PCDHGA1: variants seen among roughly 807,000 people sequenced by gnomAD.
PCDHGA1 encodes the protein protocadherin gamma-A1.
PCDHGA1 carries 32 observed loss-of-function variants against 58.0 expected under a neutral mutation model. The observed-to-expected ratio is 0.55, with a 90% confidence interval of 0.42 to 0.74. The LOEUF (loss-of-function observed/expected upper bound fraction) is 0.74. Among genes scored for constraint, PCDHGA1 ranks in the 30% least tolerant of loss-of-function variants. The probability of loss-of-function intolerance (pLI) is 0.00; values close to 1 mark genes in which losing one functional copy is unlikely to be tolerated. For synonymous variants in PCDHGA1, 498 were observed against 501.1 expected (o/e 0.99, Z 0.08); for missense variants, 1,205 against 1,182.3 (o/e 1.02, Z -0.28).
intron 1 of PCDHGA1, among the ~76,000 whole-genome samples, chr5:141,448,809 A>G (rs998129053): frequency 9.2e-5 from 14 of 151,812 alleles, no homozygotes; most frequent in Non-Finnish European, 1.8e-4. Flanking sequence ...GCCAGGCGTG[A>G]TGGCGGGCGC....
chr5:141,355,808 A>AG lies in PCDHGA1; in HGVS notation c.2421+22705dup, dbSNP rs750575688. On this transcript the variant is annotated intron_variant, in intron 1 of 3. Transcript: ENST00000517417. ...GTGCTGGAACGCGCTCTAGATCGCG[A>AG]GGAAGAGGCGGTTCACCACCTCGTT... The AG allele has an allele frequency of 5.0e-6, 8 of 1,613,360 alleles. No individual in the cohort carries two copies. In the South Asian group the frequency reaches 7.7e-5, roughly 16 times the overall value.
rs532675537 is a variant in PCDHGA1, at chr5:141,508,584, T to C, written c.2570-2363T>C. Among the ~76,000 whole-genome samples, 87 of 152,266 alleles carry C rather than the reference T, an allele frequency of 5.7e-4. 1 individual carries two copies. Among genetic ancestry groups the C allele is most frequent in the African/African-American group, 1.6e-3 (66 of 41,552 alleles). On this transcript the variant is annotated intron_variant, in intron 3 of 3. Coordinates refer to ENST00000517417, the MANE Select transcript of PCDHGA1 (RefSeq NM_018912.3). The stretch of plus-strand genomic sequence containing the variant: ...TGTCACTTGCACCCACTCGGGGTGC[T>C]ACTCAGAGATCTTGGGTGCACATAG...
rs1394484191 is a variant in PCDHGA1 at position 141,486,006 on chromosome 5, C to T, written c.2422-8801C>T. The T allele has an allele frequency of 6.2e-7, 1 of 1,614,190 alleles. No individual in the cohort carries two copies. Among genetic ancestry groups the T allele is most frequent in the Non-Finnish European group, 8.5e-7 (1 of 1,180,026 alleles). Reference sequence around the variant, plus strand: ...GACCTGGGTCCCAGTGGTAACGTCACCTTTTATTTCAGTGGTCATACCCCT... The same window carrying T: ...GACCTGGGTCCCAGTGGTAACGTCATCTTTTATTTCAGTGGTCATACCCCT... On this transcript the variant is annotated intron_variant, in intron 1 of 3. Coordinates refer to ENST00000517417, the MANE Select transcript of PCDHGA1 (RefSeq NM_018912.3). This position sits in a 1 kb window ranked among gnomAD's most constrained non-coding sequence, Gnocchi z 5.0.
chr5:141,362,373 T>C (rs1281253972), intron 1 of PCDHGA1: 1 of 1,614,038 alleles, frequency 6.2e-7, no homozygotes, highest in East Asian at 2.2e-5. Flanking sequence ...ACAGTGAGGG[T>C]ACATTGCCCT....
intron 1 of PCDHGA1, chr5:141,427,747 C>A (rs2097063869): frequency 1.6e-6 from 2 of 1,277,502 alleles, no homozygotes; most frequent in Non-Finnish European, 2.2e-6. Flanking sequence ...GTCTCCTACT[C>A]CATCGTTACC....
At chr5:141,355,378 G>C (rs371945703) in intron 1 of PCDHGA1, 50 of 1,613,924 alleles carry the variant, frequency 3.1e-5, no homozygotes, top group Non-Finnish European at 4.1e-5. Context: ...CCGGGAGCTG[G>C]CGGAGCGCGG....
chr5:141,480,021 C>G (rs1415230863), intron 1 of PCDHGA1, among the ~76,000 whole-genome samples: 1 of 152,208 alleles, frequency 6.6e-6, no homozygotes, highest in Non-Finnish European at 1.5e-5. Context: ...AATCTCCTTT[C>G]TAAGCCTCTT....
intron 1 of PCDHGA1, chr5:141,339,270 C>G: frequency 6.2e-7 from 1 of 1,614,256 alleles, no homozygotes; most frequent in Non-Finnish European, 8.5e-7. Context: ...GCTCAGAGCG[C>G]ACCCTGTCTG....
At position 141,431,317 on chromosome 5, in the gene PCDHGA1, C is replaced by T. The variant is rs778667104; in HGVS notation, c.2422-63490C>T. ...TCTCCCTCATCGTGCAAAATGGAGC[C>T]GACGGTAGTAAGTACCCCGAATTGG... On this transcript the variant is annotated intron_variant, in intron 1 of 3. Coordinates refer to ENST00000517417, the MANE Select transcript of PCDHGA1 (RefSeq NM_018912.3). This position sits in a 1 kb window ranked among gnomAD's most constrained non-coding sequence, Gnocchi z 4.8. The T allele has an allele frequency of 6.2e-6, 10 of 1,613,964 alleles. No homozygotes were observed. The highest frequency in any genetic ancestry group is 7.6e-6 in the Non-Finnish European group (9 of 1,180,046).
At chr5:141,414,290 T>C (rs781378958) in intron 1 of PCDHGA1, 1 of 1,613,272 alleles carries the variant, frequency 6.2e-7, no homozygotes, top group Admixed American at 1.7e-5. Context: ...GTCGTAGCCC[T>C]TTTAAATGTG....
intron 1 of PCDHGA1, chr5:141,408,577 T>C (rs771768269): frequency 6.2e-7 from 1 of 1,614,068 alleles, no homozygotes; most frequent in South Asian, 1.1e-5. Flanking sequence ...TGATTGAGGA[T>C]GTTAATGACC....
At position 141,431,513 on chromosome 5, in the gene PCDHGA1, C is replaced by A. The variant is rs1468442248; in HGVS notation, c.2422-63294C>A. ...TCAGCCCGAGTACCGCGCGAGCGTT[C>A]CGGAGAATCTGGCCTTGGGCACGCA... is the stretch of plus-strand genomic sequence containing the variant. On this transcript the variant is annotated intron_variant, in intron 1 of 3. Transcript: ENST00000517417. The surrounding 1 kb of genome is among the most constrained non-coding windows in gnomAD (Gnocchi z 4.8). 1 of 1,614,022 alleles carries A rather than the reference C, an allele frequency of 6.2e-7. No individual in the cohort carries two copies. The highest frequency in any genetic ancestry group is 1.7e-5 in the Admixed American group (1 of 60,032).
chr5:141,371,080 G>C (rs1409150939), intron 1 of PCDHGA1: 1 of 1,613,876 alleles, frequency 6.2e-7, no homozygotes, highest in East Asian at 2.2e-5. Context: ...ACCCAGATCA[G>C]GGTAATTGTC....
chr5:141,405,467 T>G lies in PCDHGA1; in HGVS notation c.2421+72362T>G. On this transcript the variant is annotated intron_variant, in intron 1 of 3. Transcript: ENST00000517417. The stretch of plus-strand genomic sequence containing the variant: ...CAGAGTCTTACTCTGTTACCCAGGC[T>G]GGAATGCAGTGGTGTGATCTCGGCT... 3.6e-6 allele frequency: 4 copies of G among 1,103,716 alleles called. No individual in the cohort carries two copies. The South Asian group carries it at 6.1e-5, about 17-fold the overall frequency. 68.4% of individuals were successfully genotyped at this position (1,103,716 alleles called of 1,614,324 possible). A position where few individuals can be genotyped will look rare whatever the true frequency, so the allele number is the denominator to read the frequency against.
rs915039012 is a variant in PCDHGA1 at position 141,372,538 on chromosome 5, T to A, written c.2421+39433T>A. The stretch of plus-strand genomic sequence containing the variant: ...GTGATTCTGGCAATCTCCCTGCGCC[T>A]GCGATGCTCCTCCAGACCCGCCACT... On this transcript the variant is annotated intron_variant, in intron 1 of 3. Coordinates refer to ENST00000517417, the MANE Select transcript of PCDHGA1 (RefSeq NM_018912.3). The A allele has an allele frequency of 1.9e-6, 3 of 1,613,928 alleles. No homozygotes were observed. The African/African-American group carries it at 4.0e-5, about 22-fold the overall frequency.
intron 1 of PCDHGA1, among the ~76,000 whole-genome samples, chr5:141,401,937 T>A (rs531669581): frequency 2.6e-5 from 4 of 152,356 alleles, no homozygotes; most frequent in African/African-American, 7.2e-5. Flanking sequence ...TAGAATAATG[T>A]TTAAGACCAC....
rs1001516677 is a variant in PCDHGA1 at position 141,399,747 on chromosome 5, A to G, written c.2421+66642A>G. On this transcript the variant is annotated intron_variant, in intron 1 of 3. Coordinates refer to ENST00000517417, the MANE Select transcript of PCDHGA1 (RefSeq NM_018912.3). The stretch of plus-strand genomic sequence containing the variant: ...ACCAGGGCTCGCCTGCGCTCAGCGC[A>G]AACGTGAGCCTGCGCGTGTTGGTGG... 3.7e-6 allele frequency: 6 copies of G among 1,613,228 alleles called. No homozygotes were observed. In the African/African-American group the frequency reaches 6.7e-5, roughly 18 times the overall value.
intron 1 of PCDHGA1, among the ~76,000 whole-genome samples, chr5:141,347,361 C>T (rs1561493789): frequency 6.6e-6 from 1 of 151,940 alleles, no homozygotes; most frequent in Non-Finnish European, 1.5e-5. Flanking sequence ...TGCTATGTTT[C>T]CCAGGCTGGT....
chr5:141,375,581 C>T, intron 1 of PCDHGA1: 1 of 1,614,174 alleles, frequency 6.2e-7, no homozygotes, highest in Non-Finnish European at 8.5e-7. Context: ...CCAGGGGGCG[C>T]CCCTGTCCTC....
Sources: gnomAD v4.1 joint callset for allele counts (sites outside exome capture counted in the v4.1 genomes callset) on GRCh38, gnomAD v4.1.1 for gene constraint, Gnocchi (gnomAD v3.1) non-coding constraint, MANE v1.5 for transcripts, NCBI Gene and HGNC (gene_info 2026-07-23, HGNC 2026-07-21) for gene names.